The following UBAC2 variants were observed in gnomAD, a reference collection of about 807,000 sequenced individuals.
UBAC2 encodes the protein UBA domain containing 2, also known as ubiquitin-associated domain-containing protein 2.
UBAC2 carries 26 observed loss-of-function variants against 44.0 expected under a neutral mutation model. That is an observed-to-expected ratio of 0.59 (90% CI 0.43 to 0.82). The LOEUF (loss-of-function observed/expected upper bound fraction) is 0.82, where lower values mean the gene tolerates loss of function less well. Among genes scored for constraint, UBAC2 ranks in the 40% least tolerant of loss-of-function variants. UBAC2 has a pLI of 0.00. For synonymous variants in UBAC2, 155 were observed against 154.3 expected (o/e 1.00, Z -0.04); for missense variants, 329 against 419.4 (o/e 0.78, Z 1.88).
At chr13:99,277,985 C>CT (rs1290022301) in intron 4 of UBAC2, among the ~76,000 whole-genome samples, 2 of 152,168 alleles carry the variant, frequency 1.3e-5, no homozygotes, top group African/African-American at 4.8e-5. Flanking sequence ...ATAGAAGGGC[C>CT]TTTCCTGCTG....
At chr13:99,257,071 T>G (rs1357975588) in intron 4 of UBAC2, among the ~76,000 whole-genome samples, 1 of 152,216 alleles carries the variant, frequency 6.6e-6, no homozygotes, top group African/African-American at 2.4e-5. Context: ...AACGTGCCTG[T>G]CTGCCTTCCT....
chr13:99,340,886 CCA>C (rs1359194676), intron 7 of UBAC2, among the ~76,000 whole-genome samples: 11 of 152,122 alleles, frequency 7.2e-5, no homozygotes, highest in African/African-American at 2.4e-4. Flanking sequence ...CTTGTAAAAG[CCA>C]CAGTGTCTTC....
At chr13:99,279,413 A>G (rs2043924793) in intron 4 of UBAC2, among the ~76,000 whole-genome samples, 1 of 152,048 alleles carries the variant, frequency 6.6e-6, no homozygotes, top group African/African-American at 2.4e-5. Context: ...GTCTTTGACT[A>G]CCCCCACCCT....
chr13:99,325,524 A>C (rs746883930), intron 6 of UBAC2, among the ~76,000 whole-genome samples: 1 of 152,096 alleles, frequency 6.6e-6, no homozygotes, highest in African/African-American at 2.4e-5. Context: ...TCCTGGCCCA[A>C]CCCTTTTCCT....
intron 1 of UBAC2, among the ~76,000 whole-genome samples, chr13:99,237,271 TAC>T (rs57466771): frequency 0.14 from 20,780 of 144,806 alleles, 1,641 homozygotes; most frequent in East Asian, 0.3. Context: ...TATATATATA[TAC>T]ACACACACAC....
intron 4 of UBAC2, among the ~76,000 whole-genome samples, chr13:99,309,967 GTTA>G (rs1375493035): frequency 6.6e-6 from 1 of 152,206 alleles, no homozygotes; most frequent in East Asian, 1.9e-4. Context: ...AGGTGTCTCT[GTTA>G]TTTTATGTTT....
intron 4 of UBAC2, 108 bp downstream of exon 4, chr13:99,244,732 ATAGT>A (rs75412252): frequency 0.034 from 20,679 of 601,084 alleles, 509 homozygotes; most frequent in Middle Eastern, 0.1. Context: ...ACTTCTAGAT[ATAGT>A]TAAATTGATT....
At chr13:99,363,461 C>T (rs922722721) in intron 7 of UBAC2, among the ~76,000 whole-genome samples, 4 of 152,152 alleles carry the variant, frequency 2.6e-5, no homozygotes, top group African/African-American at 4.8e-5. Flanking sequence ...GAAACTTAAC[C>T]GAGGTAGTTT....
intron 7 of UBAC2, among the ~76,000 whole-genome samples, chr13:99,350,957 C>G (rs905419044): frequency 6.6e-6 from 1 of 152,100 alleles, no homozygotes; most frequent in Non-Finnish European, 1.5e-5. Flanking sequence ...CATCTGGTGT[C>G]AGAATATTGT....
At chr13:99,298,288 A>G (rs944671966) in intron 4 of UBAC2, among the ~76,000 whole-genome samples, 9 of 152,192 alleles carry the variant, frequency 5.9e-5, no homozygotes, top group Non-Finnish European at 4.4e-5. Context: ...CTTTCAGAAA[A>G]TAGTTATTTT....
rs1489024791 is a variant in UBAC2 at position 99,296,920 on chromosome 13, A to C, written c.390-17177A>C. ...TACTCCATGGATCCATGCAATCTAT[A>C]CTTCTACCTTTGCACATAGTAGCAA... On this transcript the variant is annotated intron_variant, in intron 4 of 8. Coordinates refer to ENST00000403766, the MANE Select transcript of UBAC2 (RefSeq NM_001144072.2). Among the ~76,000 whole-genome samples, 4 of 152,136 alleles carry C rather than the reference A, an allele frequency of 2.6e-5. No homozygotes were observed. In the East Asian group the frequency reaches 7.7e-4, roughly 29 times the overall value.
At chr13:99,215,652 T>G (rs777271321) in intron 1 of UBAC2, 252 of 1,367,184 alleles carry the variant, frequency 1.8e-4, no homozygotes, top group Non-Finnish European at 2.5e-4. Context: ...AGATTTCAGG[T>G]GTTGATGAAT....
intron 4 of UBAC2, among the ~76,000 whole-genome samples, chr13:99,299,229 G>A (rs2044220860): frequency 6.6e-6 from 1 of 152,132 alleles, no homozygotes; most frequent in African/African-American, 2.4e-5. Flanking sequence ...GTTCAAGAAT[G>A]TTTTACATAG....
At chr13:99,384,831 T>TGTGATGCCAGGGCCGAGCATGGCAGTGAC (rs1566533724) in intron 8 of UBAC2, among the ~76,000 whole-genome samples, 3 of 112,324 alleles carry the variant, frequency 2.7e-5, no homozygotes, top group Admixed American at 8.4e-5. Context: ...GTGGCAGTGA[T>TGTGATGCCAGGGCCGAGCATGGCAGTGAC]GCCAGGAGTG....
chr13:99,316,932 T>C (rs559093597), intron 5 of UBAC2, among the ~76,000 whole-genome samples: 102 of 152,348 alleles, frequency 6.7e-4, no homozygotes, highest in African/African-American at 2.4e-3. Context: ...TTATTCTTTC[T>C]ATTTTTAGAA....
intron 4 of UBAC2, among the ~76,000 whole-genome samples, chr13:99,270,906 T>C (rs1227841577): frequency 6.6e-6 from 1 of 152,248 alleles, no homozygotes; most frequent in Non-Finnish European, 1.5e-5. Context: ...TTTGGGTATT[T>C]ATGCATGCAT....
intron 6 of UBAC2, among the ~76,000 whole-genome samples, chr13:99,334,668 A>C (rs1370512648): frequency 6.6e-6 from 1 of 152,226 alleles, no homozygotes; most frequent in African/African-American, 2.4e-5. Flanking sequence ...GCTGAAAAAA[A>C]CCAAAATACT....
At chr13:99,267,305 C>T (rs1164198151) in intron 4 of UBAC2, among the ~76,000 whole-genome samples, 2 of 152,158 alleles carry the variant, frequency 1.3e-5, no homozygotes, top group Non-Finnish European at 2.9e-5. Flanking sequence ...TTTTCTCTTA[C>T]TCCGTAGGGT....
intron 4 of UBAC2, among the ~76,000 whole-genome samples, chr13:99,272,646 C>T (rs577421710): frequency 6.6e-6 from 1 of 152,258 alleles, no homozygotes; most frequent in African/African-American, 2.4e-5. Flanking sequence ...TTGCTGTGTC[C>T]TTACATGGCT....
Sources: allele counts gnomAD v4.1 joint callset (sites outside exome capture counted in the v4.1 genomes callset), GRCh38; gene constraint gnomAD v4.1.1; transcripts MANE v1.5; gene names NCBI Gene and HGNC (gene_info 2026-07-23, HGNC 2026-07-21).